AKAP13: variants seen among roughly 807,000 people sequenced by gnomAD.
AKAP13 encodes the protein A-kinase anchoring protein 13, also known as A-kinase anchor protein 13.
AKAP13 carries 80 observed loss-of-function variants against 264.5 expected under a neutral mutation model. The ratio of observed to expected loss-of-function variants is 0.30; its 90% CI spans 0.25 to 0.36. AKAP13 has a LOEUF of 0.36. Among genes scored for constraint, AKAP13 ranks in the 10% least tolerant of loss-of-function variants. AKAP13 has a pLI of 1.00. For missense variants in AKAP13, 3,712 were observed against 3,435.2 expected, an observed-to-expected ratio of 1.08 and a Z score of -2.01; for synonymous variants, 1,380 against 1,250.2, an observed-to-expected ratio of 1.10 and a Z score of -2.19.
chr15:85,567,131 TG>T (rs1343333591), intron 5 of AKAP13, among the ~76,000 whole-genome samples: 4 of 152,110 alleles, frequency 2.6e-5, no homozygotes, highest in African/African-American at 9.7e-5. Context: ...TTTTTTGAGA[TG>T]GAGTCTCGCT....
At chr15:85,460,165 T>G (rs2074450601) in intron 1 of AKAP13, among the ~76,000 whole-genome samples, 1 of 152,230 alleles carries the variant, frequency 6.6e-6, no homozygotes, top group African/African-American at 2.4e-5. Context: ...TAACTCCATA[T>G]TAGTCTATAA....
intron 2 of AKAP13, among the ~76,000 whole-genome samples, chr15:85,494,549 T>C (rs1479933824): frequency 6.6e-6 from 1 of 152,232 alleles, no homozygotes; most frequent in African/African-American, 2.4e-5. Context: ...CACTCAGTTC[T>C]ACATGTAGGA....
intron 14 of AKAP13, 112 bp from the exon 15 acceptor site, chr15:85,682,046 A>C (rs1451019500): frequency 2.1e-6 from 2 of 965,508 alleles, no homozygotes; most frequent in African/African-American, 3.3e-5. Flanking sequence ...CCATGTGCTG[A>C]CTTTCACACG....
intron 5 of AKAP13, among the ~76,000 whole-genome samples, chr15:85,563,866 A>AT (rs1257958005): frequency 6.6e-6 from 1 of 152,190 alleles, no homozygotes; most frequent in Admixed American, 6.5e-5. Context: ...GGACTGTTAC[A>AT]TTTTTTATAG....
At chr15:85,603,252 T>G (rs2080172601) in intron 8 of AKAP13, among the ~76,000 whole-genome samples, 2 of 152,242 alleles carry the variant, frequency 1.3e-5, no homozygotes. Context: ...AAGTATTATG[T>G]GTTTGCTTCC....
intron 8 of AKAP13, among the ~76,000 whole-genome samples, chr15:85,609,343 C>T (rs922406704): frequency 6.6e-6 from 1 of 152,102 alleles, no homozygotes; most frequent in African/African-American, 2.4e-5. Context: ...ATTTAGATTC[C>T]ACATTATCAG....
At chr15:85,485,163 C>A (rs2075493319) in intron 1 of AKAP13, among the ~76,000 whole-genome samples, 1 of 152,164 alleles carries the variant, frequency 6.6e-6, no homozygotes, top group Non-Finnish European at 1.5e-5. Context: ...ATTTAGTGAA[C>A]ATAACAATCA....
chr15:85,600,318 T>TAAAAAA (rs5814205), intron 8 of AKAP13, among the ~76,000 whole-genome samples: 3 of 134,302 alleles, frequency 2.2e-5, no homozygotes, highest in Admixed American at 7.4e-5. Flanking sequence ...AGCTTAGATT[T>TAAAAAA]AAAAAAAAAA....
At chr15:85,396,044 A>ACG (rs397956291) in intron 1 of AKAP13, among the ~76,000 whole-genome samples, 1 of 151,494 alleles carries the variant, frequency 6.6e-6, no homozygotes, top group South Asian at 2.1e-4. Context: ...ACACACACAC[A>ACG]TACATATGCA....
intron 5 of AKAP13, among the ~76,000 whole-genome samples, chr15:85,551,383 AGC>A (rs1382294863): frequency 6.6e-6 from 1 of 152,196 alleles, no homozygotes; most frequent in Non-Finnish European, 1.5e-5. Flanking sequence ...TCCTCTCCCC[AGC>A]CCTTTGAAGG....
At chr15:85,399,458 T>C (rs1299390216) in intron 1 of AKAP13, among the ~76,000 whole-genome samples, 4 of 130,228 alleles carry the variant, frequency 3.1e-5, no homozygotes, top group East Asian at 2.2e-4. Context: ...ATTGCGCCAC[T>C]GCAGTCCGCA....
At chr15:85,663,950 G>T (rs542095986) in intron 12 of AKAP13, among the ~76,000 whole-genome samples, 2 of 152,178 alleles carry the variant, frequency 1.3e-5, no homozygotes, top group South Asian at 4.1e-4. Context: ...GGTGTTATAT[G>T]TGCCTGTTGC....
intron 15 of AKAP13, among the ~76,000 whole-genome samples, chr15:85,683,877 T>C (rs2084748951): frequency 6.6e-6 from 1 of 152,230 alleles, no homozygotes; most frequent in Non-Finnish European, 1.5e-5. Flanking sequence ...GGTAGATCAC[T>C]GAATCTACAT....
At chr15:85,690,535 C>T (rs771024909) in intron 16 of AKAP13, among the ~76,000 whole-genome samples, 4 of 152,132 alleles carry the variant, frequency 2.6e-5, no homozygotes, top group Non-Finnish European at 5.9e-5. Flanking sequence ...TTCTCCCTTC[C>T]TCTCTCATTA....
chr15:85,638,114 G>C (rs950804168), intron 8 of AKAP13, among the ~76,000 whole-genome samples: 2 of 151,658 alleles, frequency 1.3e-5, no homozygotes, highest in South Asian at 4.2e-4. Flanking sequence ...TCCATCTCCT[G>C]ACCTTGTGAT....
intron 5 of AKAP13, 93 bp from the exon 6 acceptor site, chr15:85,575,038 A>C: frequency 7.9e-7 from 1 of 1,264,534 alleles, no homozygotes; most frequent in East Asian, 2.3e-5. Flanking sequence ...TCAAAGAACA[A>C]TCAGGTTAGA....
chr15:85,467,739 T>C (rs2074801782), intron 1 of AKAP13, among the ~76,000 whole-genome samples: 1 of 152,232 alleles, frequency 6.6e-6, no homozygotes, highest in African/African-American at 2.4e-5. Context: ...TAATAACTGC[T>C]TACTGAATTT....
Position 85,734,986 on chromosome 15 carries a change from T to C in AKAP13, c.7283-6T>C, listed in dbSNP as rs1290670464. On this transcript the variant is annotated splice_polypyrimidine_tract_variant and splice_region_variant and intron_variant, in intron 30 of 36. Transcript: ENST00000394518. Reference sequence around the variant, plus strand: ...ATGTCAGCTTTGCATGTTTCCTTTATTCCAGTGGAGATCCTTCAGGGTTTG... The same window carrying C: ...ATGTCAGCTTTGCATGTTTCCTTTACTCCAGTGGAGATCCTTCAGGGTTTG... 1.2e-6 allele frequency: 2 copies of C among 1,612,952 alleles called. No individual in the cohort carries two copies. The highest frequency in any genetic ancestry group is 2.2e-5 in the East Asian group (1 of 44,878).
At chr15:85,538,917 G>A (rs1372061253) in intron 4 of AKAP13, among the ~76,000 whole-genome samples, 2 of 149,760 alleles carry the variant, frequency 1.3e-5, no homozygotes, top group Non-Finnish European at 3.0e-5. Flanking sequence ...TGCAAGCTCT[G>A]CCTCCCAGGT....
Sources: allele counts gnomAD v4.1 joint callset (sites outside exome capture counted in the v4.1 genomes callset), GRCh38; gene constraint gnomAD v4.1.1; transcripts MANE v1.5; gene names NCBI Gene and HGNC (gene_info 2026-07-23, HGNC 2026-07-21).